The following COMMD10 variants were observed in gnomAD, a reference collection of about 807,000 sequenced individuals.
The protein encoded by COMMD10 is COMM domain-containing protein 10.
In COMMD10, 33 loss-of-function variants were observed where a neutral mutation model predicts 28.9. The ratio of observed to expected loss-of-function variants is 1.14; its 90% confidence interval spans 0.87 to 1.53. The LOEUF (loss-of-function observed/expected upper bound fraction) is 1.53, where lower values mean the gene tolerates loss of function less well. COMMD10 is among the 40% of genes most tolerant of loss of function. The probability of loss-of-function intolerance (pLI) is 0.00; values close to 1 mark genes in which losing one functional copy is unlikely to be tolerated. For missense variants in COMMD10, 310 were observed against 233.4 expected (o/e 1.33, Z -2.14); for synonymous variants, 110 against 81.7 (o/e 1.35, Z -1.87).
intron 4 of COMMD10, among the ~76,000 whole-genome samples, chr5:116,106,530 G>A (rs971067406): frequency 5.3e-5 from 8 of 152,106 alleles, no homozygotes; most frequent in African/African-American, 1.9e-4. Flanking sequence ...TTCAAGTCCT[G>A]GATATCCTTG....
intron 4 of COMMD10, among the ~76,000 whole-genome samples, chr5:116,103,260 G>A (rs2112725299): frequency 6.6e-6 from 1 of 152,268 alleles, no homozygotes; most frequent in East Asian, 1.9e-4. Flanking sequence ...CTTCCACAAT[G>A]GTTGAACTAA....
intron 5 of COMMD10, among the ~76,000 whole-genome samples, chr5:116,189,370 G>A (rs1295703838): frequency 1.3e-5 from 2 of 152,244 alleles, no homozygotes; most frequent in East Asian, 1.9e-4. Context: ...TGGAGATACT[G>A]GTACCAGCAG....
chr5:116,264,842 T>C lies in COMMD10; in HGVS notation c.511-26675T>C, dbSNP rs148628808. Among the ~76,000 whole-genome samples the C allele has an allele frequency of 5.6e-3, 847 of 151,954 alleles. 17 individuals are homozygous for C. Among genetic ancestry groups the C allele is most frequent in the African/African-American group, 0.02 (807 of 41,306 alleles). ...CTTTTAGCCTAAGACATTATTTGAT[T>C]TTTATAGCAAGTCTATTCCATGTAA... On this transcript the variant is annotated intron_variant, in intron 5 of 6. Transcript: ENST00000274458.
intron 5 of COMMD10, among the ~76,000 whole-genome samples, chr5:116,274,619 A>G (rs1287991402): frequency 6.6e-6 from 1 of 151,802 alleles, no homozygotes; most frequent in African/African-American, 2.4e-5. Flanking sequence ...TGCCAATATC[A>G]GTAACATTCT....
intron 5 of COMMD10, among the ~76,000 whole-genome samples, chr5:116,172,234 A>C (rs777983504): frequency 2.0e-5 from 3 of 152,080 alleles, no homozygotes; most frequent in Non-Finnish European, 2.9e-5. Flanking sequence ...GTAAGGCTGG[A>C]GGGAGGTGTG....
chr5:116,162,735 G>C (rs1752957919), intron 5 of COMMD10, among the ~76,000 whole-genome samples: 1 of 152,316 alleles, frequency 6.6e-6, no homozygotes, highest in Admixed American at 6.5e-5. Flanking sequence ...GGTCAATTTT[G>C]TGAGATTAAG....
intron 5 of COMMD10, among the ~76,000 whole-genome samples, chr5:116,136,301 G>C (rs1461013128): frequency 6.6e-6 from 1 of 152,194 alleles, no homozygotes; most frequent in Non-Finnish European, 1.5e-5. Context: ...GGTGTAGGAT[G>C]ATGATCTGGA....
chr5:116,183,796 C>G (rs1748052457), intron 5 of COMMD10, among the ~76,000 whole-genome samples: 1 of 151,970 alleles, frequency 6.6e-6, no homozygotes, highest in Non-Finnish European at 1.5e-5. Flanking sequence ...CTTTGTGGCC[C>G]TTAGGAAATG....
intron 5 of COMMD10, among the ~76,000 whole-genome samples, chr5:116,225,094 G>C (rs921563157): frequency 6.6e-6 from 1 of 151,908 alleles, no homozygotes; most frequent in Non-Finnish European, 1.5e-5. Context: ...TGACCATTTG[G>C]TGAATATTTT....
chr5:116,221,945 T>A (rs930530205), intron 5 of COMMD10, among the ~76,000 whole-genome samples: 6 of 152,296 alleles, frequency 3.9e-5, no homozygotes, highest in African/African-American at 1.4e-4. Context: ...AAGCCTGTTT[T>A]AGCAGGTTGT....
In COMMD10 at chr5:116,124,100, C is replaced by A. The variant is rs541498096; in HGVS notation, c.400-9968C>A. On this transcript the variant is annotated intron_variant, in intron 4 of 6. Coordinates refer to ENST00000274458, the MANE Select transcript of COMMD10 (RefSeq NM_016144.4). Reference sequence around the variant, plus strand: ...TTGCTCTGATCTTAGTTATTTCTTGCCTTCTGCTAGCTTTTGAATTTGTTT... The same window carrying A: ...TTGCTCTGATCTTAGTTATTTCTTGACTTCTGCTAGCTTTTGAATTTGTTT... Among the ~76,000 whole-genome samples the A allele has an allele frequency of 1.1e-4, 16 of 151,776 alleles. 1 individual carries two copies. The highest frequency in any genetic ancestry group is 1.1e-3 in the Admixed American group (16 of 15,214).
chr5:116,281,569 A>G (rs1262767927), intron 5 of COMMD10, among the ~76,000 whole-genome samples: 31 of 151,618 alleles, frequency 2.0e-4, no homozygotes, highest in Admixed American at 2.0e-3. Context: ...TAAGTAATGC[A>G]TTTATTAAGG....
At chr5:116,217,711 C>T (rs1749141214) in intron 5 of COMMD10, among the ~76,000 whole-genome samples, 1 of 152,082 alleles carries the variant, frequency 6.6e-6, no homozygotes, top group Non-Finnish European at 1.5e-5. Flanking sequence ...TTTGTTTTTC[C>T]ATACCACAAG....
intron 5 of COMMD10, among the ~76,000 whole-genome samples, chr5:116,262,472 A>G (rs1297621454): frequency 1.3e-5 from 2 of 151,698 alleles, no homozygotes; most frequent in South Asian, 2.1e-4. Context: ...TTAATTACCA[A>G]TACTATACCA....
intron 3 of COMMD10, among the ~76,000 whole-genome samples, chr5:116,091,454 C>A (rs182911597): frequency 1.4e-4 from 21 of 152,130 alleles, no homozygotes; most frequent in Admixed American, 7.9e-4. Context: ...ACATATTTTA[C>A]TTAAGATATT....
intron 4 of COMMD10, among the ~76,000 whole-genome samples, chr5:116,121,814 T>C (rs1379956600): frequency 1.3e-5 from 2 of 152,202 alleles, no homozygotes; most frequent in African/African-American, 4.8e-5. Flanking sequence ...CTTTGCCCAC[T>C]TTTTGAATGG....
At chr5:116,255,145 T>C (rs537969702) in intron 5 of COMMD10, among the ~76,000 whole-genome samples, 2 of 151,804 alleles carry the variant, frequency 1.3e-5, no homozygotes, top group African/African-American at 4.9e-5. Flanking sequence ...GTTTTCCATT[T>C]GCTTGGTAGA....
intron 5 of COMMD10, among the ~76,000 whole-genome samples, chr5:116,189,919 G>A (rs564706403): frequency 1.3e-5 from 2 of 152,220 alleles, no homozygotes; most frequent in African/African-American, 4.8e-5. Context: ...ATGTACTCCT[G>A]ACCTTCTGAA....
intron 4 of COMMD10, among the ~76,000 whole-genome samples, chr5:116,096,522 CGTT>C (rs1750474997): frequency 6.6e-6 from 1 of 151,992 alleles, no homozygotes; most frequent in African/African-American, 2.4e-5. Flanking sequence ...AAGGCAGTCA[CGTT>C]GTCTGTGAAT....
Sources: gnomAD v4.1 joint callset for allele counts (sites outside exome capture counted in the v4.1 genomes callset) on GRCh38, gnomAD v4.1.1 for gene constraint, MANE v1.5 for transcripts, NCBI Gene and HGNC (gene_info 2026-07-23, HGNC 2026-07-21) for gene names.